MINDY3: variants seen among roughly 807,000 people sequenced by gnomAD.
The protein encoded by MINDY3 is ubiquitin carboxyl-terminal hydrolase MINDY-3.
A neutral mutation model predicts 69.2 loss-of-function variants in MINDY3; 38 were observed. The observed-to-expected ratio is 0.55, with a 90% CI of 0.42 to 0.72. The LOEUF (loss-of-function observed/expected upper bound fraction) is 0.72, where lower values mean the gene tolerates loss of function less well. Ranked by LOEUF, MINDY3 falls within the 30% of genes least tolerant of loss-of-function variation. The pLI is 0.00. For synonymous variants in MINDY3, 192 were observed against 180.1 expected (o/e 1.07, Z -0.53); for missense variants, 522 against 519.0 (o/e 1.01, Z -0.06).
intron 2 of MINDY3, among the ~76,000 whole-genome samples, chr10:15,843,541 A>G (rs1010032921): frequency 3.9e-5 from 6 of 152,120 alleles, no homozygotes; most frequent in African/African-American, 1.2e-4. Context: ...ACTAACTCAC[A>G]TAACAGAATA....
At chr10:15,792,530 A>G (rs1305798616) in intron 11 of MINDY3, among the ~76,000 whole-genome samples, 1 of 152,100 alleles carries the variant, frequency 6.6e-6, no homozygotes, top group Non-Finnish European at 1.5e-5. Context: ...CACAGGGAGG[A>G]GCATTTATTT....
In MINDY3 at chr10:15,833,506, C is replaced by T. The variant is rs564068812; in HGVS notation, c.730+124G>A. On this transcript the variant is annotated intron_variant, in intron 8 of 14. Transcript: ENST00000277632. ...GGTGCCTTGAAAACTGTAAAGGATTCTTCTATTAGAAAACACTTAACCTCT... is the reference window on the plus strand; with the variant it reads ...GGTGCCTTGAAAACTGTAAAGGATTTTTCTATTAGAAAACACTTAACCTCT... 289 of 556,956 alleles carry T rather than the reference C, an allele frequency of 5.2e-4. 5 individuals carry two copies. The South Asian group carries it at 9.9e-3, about 19-fold the overall frequency. 34.5% of individuals were successfully genotyped at this position (556,956 alleles called of 1,614,324 possible). A position where few individuals can be genotyped will look rare whatever the true frequency, so the allele number is the denominator to read the frequency against.
In MINDY3 at chr10:15,841,594, C is replaced by T. The variant is rs1451327888; in HGVS notation, c.241G>A (p.Glu81Lys). The change falls in exon 4 of 15, where the codon GAG becomes AAG. Residue 81 changes from glutamate (E) to lysine (K), a missense_variant. Coordinates refer to ENST00000277632, the MANE Select transcript of MINDY3 (RefSeq NM_024948.4). ...GTATGACAAAGGAGTTCCTTCTGCT[C>T]TTCCTCTAAAAATAACCAAAGCATA... Reference protein sequence around the residue: ...KSSWRDCSEEEQKELLCHTLC... With the variant: ...KSSWRDCSEEKQKELLCHTLC... The T allele has an allele frequency of 2.5e-6, 4 of 1,598,236 alleles. No individual in the cohort carries two copies. Among genetic ancestry groups the T allele is most frequent in the Non-Finnish European group, 3.4e-6 (4 of 1,172,690 alleles).
chr10:15,824,324 T>A (rs765723398), intron 8 of MINDY3, among the ~76,000 whole-genome samples: 1 of 152,198 alleles, frequency 6.6e-6, no homozygotes, highest in Non-Finnish European at 1.5e-5. Flanking sequence ...TGGGGTAAGA[T>A]GACATCTCAT....
intron 3 of MINDY3, 86 bp from the exon 4 acceptor site, chr10:15,841,685 A>G (rs1833482002): frequency 1.4e-6 from 1 of 730,388 alleles, no homozygotes; most frequent in South Asian, 2.9e-5. Flanking sequence ...AGAATGGGTT[A>G]ATGATGAAAA....
intron 7 of MINDY3, among the ~76,000 whole-genome samples, 185 bp downstream of exon 7, chr10:15,834,358 A>C (rs1832936069): frequency 6.6e-6 from 1 of 152,106 alleles, no homozygotes; most frequent in African/African-American, 2.4e-5. Context: ...GCATACATAA[A>C]ATGAAATTAA....
At chr10:15,793,768 T>A (rs1356689868) in intron 11 of MINDY3, among the ~76,000 whole-genome samples, 2 of 152,084 alleles carry the variant, frequency 1.3e-5, no homozygotes, top group African/African-American at 4.8e-5. Context: ...CCTGCCTATC[T>A]CCTAGGTTTG....
At chr10:15,841,851 A>C (rs1833492215) in intron 3 of MINDY3, among the ~76,000 whole-genome samples, 1 of 151,774 alleles carries the variant, frequency 6.6e-6, no homozygotes, top group South Asian at 2.1e-4. Context: ...ATGCAGAACT[A>C]AACATTATGA....
At chr10:15,831,228 T>C (rs746102277) in intron 8 of MINDY3, among the ~76,000 whole-genome samples, 38 of 152,100 alleles carry the variant, frequency 2.5e-4, no homozygotes, top group Non-Finnish European at 5.3e-4. Context: ...TGAGTTTAAG[T>C]AGGATTAATT....
chr10:15,851,246 T>G (rs1834272020), intron 1 of MINDY3, among the ~76,000 whole-genome samples: 1 of 152,232 alleles, frequency 6.6e-6, no homozygotes, highest in South Asian at 2.1e-4. Flanking sequence ...ATATTTTTCC[T>G]GAGTAATCTC....
intron 1 of MINDY3, among the ~76,000 whole-genome samples, chr10:15,848,150 A>G (rs1021277278): frequency 1.1e-4 from 16 of 152,178 alleles, no homozygotes; most frequent in African/African-American, 3.4e-4. Flanking sequence ...GAGTACATAT[A>G]CTCACACAAT....
chr10:15,784,378 C>T (rs965579274), intron 13 of MINDY3, among the ~76,000 whole-genome samples: 2 of 152,114 alleles, frequency 1.3e-5, no homozygotes, highest in South Asian at 2.1e-4. Flanking sequence ...TAAAGATTAC[C>T]GAAGTTAAAT....
chr10:15,793,847 C>T (rs1837605720), intron 11 of MINDY3, among the ~76,000 whole-genome samples: 2 of 152,008 alleles, frequency 1.3e-5, no homozygotes, highest in Admixed American at 1.3e-4. Context: ...GCAAATGCCA[C>T]ACATCATTCT....
chr10:15,807,289 T>C (rs79654365), intron 10 of MINDY3, among the ~76,000 whole-genome samples: 2,021 of 152,192 alleles, frequency 0.013, 47 homozygotes, highest in African/African-American at 0.044. Flanking sequence ...GGAAATCAGT[T>C]AGTGCCACAA....
At chr10:15,854,686 GAACTAA>G (rs1834566349) in intron 1 of MINDY3, among the ~76,000 whole-genome samples, 4 of 152,044 alleles carry the variant, frequency 2.6e-5, no homozygotes, top group Non-Finnish European at 5.9e-5. Context: ...CATAAGGAAA[GAACTAA>G]GAGAAGCACT....
intron 10 of MINDY3, among the ~76,000 whole-genome samples, chr10:15,808,458 G>C (rs954614533): frequency 3.3e-5 from 5 of 152,098 alleles, no homozygotes; most frequent in Non-Finnish European, 7.4e-5. Context: ...GAACTGTCCA[G>C]TTTTTAAACA....
At chr10:15,831,056 T>G (rs1840423617) in intron 8 of MINDY3, among the ~76,000 whole-genome samples, 1 of 151,994 alleles carries the variant, frequency 6.6e-6, no homozygotes, top group Non-Finnish European at 1.5e-5. Context: ...AAAGACAACT[T>G]GAGATTCTAA....
At chr10:15,825,904 T>A (rs1840053429) in intron 8 of MINDY3, among the ~76,000 whole-genome samples, 1 of 152,118 alleles carries the variant, frequency 6.6e-6, no homozygotes, top group South Asian at 2.1e-4. Flanking sequence ...GTTTCTGAAT[T>A]ACAAGAGTTG....
intron 8 of MINDY3, among the ~76,000 whole-genome samples, chr10:15,832,535 T>C (rs1832802433): frequency 6.6e-6 from 1 of 152,200 alleles, no homozygotes; most frequent in South Asian, 2.1e-4. Flanking sequence ...TAAAGAGAGC[T>C]GAGCAAGATA....
Sources: allele counts gnomAD v4.1 joint callset (sites outside exome capture counted in the v4.1 genomes callset), GRCh38; gene constraint gnomAD v4.1.1; transcripts MANE v1.5; gene names NCBI Gene and HGNC (gene_info 2026-07-23, HGNC 2026-07-21).